ESRRG: variants seen among roughly 807,000 people sequenced by gnomAD.
ESRRG encodes the protein estrogen related receptor gamma.
ESRRG carries 13 observed loss-of-function variants against 44.0 expected under a neutral mutation model. The ratio of observed to expected loss-of-function variants is 0.30; its 90% CI spans 0.19 to 0.47. The LOEUF is 0.47. Among genes scored for constraint, ESRRG ranks in the 20% least tolerant of loss-of-function variants. The pLI is 1.00. For synonymous variants in ESRRG, 215 were observed against 214.6 expected, an observed-to-expected ratio of 1.00 and a Z score of -0.02; for missense variants, 395 against 580.6, an observed-to-expected ratio of 0.68 and a Z score of 3.29.
intron 2 of ESRRG, among the ~76,000 whole-genome samples, chr1:216,873,047 T>C (rs1194176327): frequency 2.6e-5 from 4 of 152,132 alleles, no homozygotes; most frequent in African/African-American, 9.7e-5. Context: ...TCAAAGTTTT[T>C]GCAGTTATTC....
chr1:216,537,931 C>T (rs1397393268), intron 5 of ESRRG, among the ~76,000 whole-genome samples: 1 of 152,080 alleles, frequency 6.6e-6, no homozygotes, highest in Non-Finnish European at 1.5e-5. Context: ...TTCCCTTTCC[C>T]AAACAAGCCA....
At chr1:216,826,509 A>AATACC (rs1441355505) in intron 2 of ESRRG, among the ~76,000 whole-genome samples, 1 of 152,202 alleles carries the variant, frequency 6.6e-6, no homozygotes, top group African/African-American at 2.4e-5. Context: ...CTATTGTTAG[A>AATACC]ATACCATTAT....
chr1:217,011,283 T>TG (rs2078569998), intron 1 of ESRRG, among the ~76,000 whole-genome samples: 1 of 152,206 alleles, frequency 6.6e-6, no homozygotes, highest in Non-Finnish European at 1.5e-5. Flanking sequence ...TTAGGTTCTG[T>TG]GGGGAACATA....
chr1:216,611,211 CAAAAAAAAAA>C (rs397861468), intron 3 of ESRRG, among the ~76,000 whole-genome samples: 1 of 60,424 alleles, frequency 1.7e-5, no homozygotes. Flanking sequence ...ACTCCGTCCT[CAAAAAAAAAA>C]AAAAAAAAAA....
chr1:216,603,820 C>T (rs867930933), intron 3 of ESRRG, among the ~76,000 whole-genome samples: 15 of 151,762 alleles, frequency 9.9e-5, no homozygotes, highest in Middle Eastern at 3.2e-3. Context: ...CCCAGCTACT[C>T]GGCGGGATGA....
In ESRRG at chr1:216,564,228, G is replaced by A; in HGVS notation, c.853C>T (p.His285Tyr). 1 of 1,524,910 alleles carries A rather than the reference G, an allele frequency of 6.6e-7. No individual in the cohort carries two copies. The highest frequency in any genetic ancestry group is 2.1e-5 in the Admixed American group (1 of 48,714). The allele number at this position is 1,524,910 out of a possible 1,614,324, so 94.5% of individuals were successfully genotyped here. The change falls in exon 5 of 7, where the codon CAT becomes TAT. Residue 285 changes from histidine (H) to tyrosine (Y), a missense_variant. Physicochemically the swap from His to Tyr is moderately conservative, Grantham distance 83. Around this residue, in one of 5 missense-constraint regions of ESRRG, gnomAD observed 167 missense variants for 251.8 expected, o/e 0.66. Coordinates refer to ENST00000408911, the MANE Select transcript of ESRRG (RefSeq NM_001438.4). Reference sequence around the variant, plus strand: ...TTTTCAGAAAATGTACCTGGAATATGCTTCGCCCATCCAATGATAACCACC... The same window carrying A: ...TTTTCAGAAAATGTACCTGGAATATACTTCGCCCATCCAATGATAACCACC... ...ELVVIIGWAK[H>Y]IPGFSTLSLA...
chr1:217,105,112 T>C (rs2092572226), intron 1 of ESRRG, among the ~76,000 whole-genome samples: 1 of 152,174 alleles, frequency 6.6e-6, no homozygotes, highest in Non-Finnish European at 1.5e-5. Context: ...ATGACATCTA[T>C]CTGGACCCCT....
chr1:217,118,475 C>G (rs757063602), intron 1 of ESRRG, among the ~76,000 whole-genome samples: 2 of 152,110 alleles, frequency 1.3e-5, no homozygotes, highest in African/African-American at 2.4e-5. Context: ...TCACATGATG[C>G]TCAATTCTGA....
intron 1 of ESRRG, among the ~76,000 whole-genome samples, chr1:216,678,833 C>T (rs937519521): frequency 6.6e-6 from 1 of 152,186 alleles, no homozygotes; most frequent in Admixed American, 6.5e-5. Flanking sequence ...TTGGGGGACT[C>T]ATCACAGGAT....
chr1:216,511,372 T>G (rs141543815), intron 6 of ESRRG, among the ~76,000 whole-genome samples: 1 of 152,166 alleles, frequency 6.6e-6, no homozygotes, highest in Non-Finnish European at 1.5e-5. Context: ...GATTGCCATG[T>G]CAAATGGACT....
At chr1:216,989,382 G>A (rs1016887947) in intron 1 of ESRRG, among the ~76,000 whole-genome samples, 1 of 145,552 alleles carries the variant, frequency 6.9e-6, no homozygotes, top group African/African-American at 2.6e-5. Context: ...GCAGTGAGCC[G>A]TGATGTTGCC....
chr1:216,857,740 G>T (rs1050549018), intron 2 of ESRRG, among the ~76,000 whole-genome samples: 1 of 130,758 alleles, frequency 7.6e-6, no homozygotes, highest in Non-Finnish European at 1.6e-5. Context: ...AAAAAAAAAA[G>T]TCCCTTCATT....
At chr1:216,970,864 T>G (rs2071494945) in intron 1 of ESRRG, among the ~76,000 whole-genome samples, 2 of 152,194 alleles carry the variant, frequency 1.3e-5, no homozygotes, top group Middle Eastern at 3.2e-3. Context: ...AGGGAATATA[T>G]CTGGAACATA....
intron 1 of ESRRG, among the ~76,000 whole-genome samples, chr1:216,687,801 A>G (rs2078298214): frequency 1.3e-5 from 2 of 152,190 alleles, no homozygotes; most frequent in South Asian, 4.1e-4. Context: ...AGCCCTTATT[A>G]GGTGAAAATA....
intron 2 of ESRRG, among the ~76,000 whole-genome samples, chr1:216,836,507 A>G (rs2095567228): frequency 6.6e-6 from 1 of 152,144 alleles, no homozygotes; most frequent in Non-Finnish European, 1.5e-5. Flanking sequence ...GCCTACCAAC[A>G]CTGTAATCTC....
chr1:216,766,150 A>G lies in ESRRG; in HGVS notation c.-13-88659T>C, dbSNP rs371953780. On this transcript the variant is annotated intron_variant, in intron 2 of 7. Coordinates refer to the ESRRG transcript ENST00000359162. ...TGCACTCACATGGAAAAACTGGGAC[A>G]AAGGAACCCGGTCCTTATTATTATG... 7.7e-4 allele frequency among the ~76,000 whole-genome samples: 117 copies of G among 152,268 alleles called. 3 individuals carry two copies. In the South Asian group the frequency reaches 0.023, roughly 30 times the overall value.
chr1:216,864,252 A>G (rs901289757), intron 2 of ESRRG: 1 of 150,788 alleles, frequency 6.6e-6, no homozygotes, highest in African/African-American at 2.4e-5. Flanking sequence ...CTACTCATGC[A>G]TTTGACATAG....
At chr1:216,704,366 A>T (rs888215754) in intron 1 of ESRRG, among the ~76,000 whole-genome samples, 1 of 152,112 alleles carries the variant, frequency 6.6e-6, no homozygotes, top group East Asian at 1.9e-4. Context: ...ATACAAAAAA[A>T]TTTAGCTAGG....
chr1:216,950,435 T>C (rs1298956692), intron 1 of ESRRG, among the ~76,000 whole-genome samples: 6 of 152,212 alleles, frequency 3.9e-5, no homozygotes, highest in Non-Finnish European at 5.9e-5. Context: ...TGTTTATAGC[T>C]TTTAGTAAAG....
Sources: gnomAD v4.1 joint callset for allele counts (sites outside exome capture counted in the v4.1 genomes callset) on GRCh38, gnomAD v4.1.1 for gene constraint, gnomAD v4.1.1 regional missense constraint, MANE v1.5 for transcripts, NCBI Gene and HGNC (gene_info 2026-07-23, HGNC 2026-07-21) for gene names.